Variants in SRGAP2 observed in about 807,000 individuals in gnomAD.
SRGAP2 encodes the protein SLIT-ROBO Rho GTPase-activating protein 2.
A neutral mutation model predicts 57.2 loss-of-function variants in SRGAP2; 15 were observed. That is an observed-to-expected ratio of 0.26 (90% confidence interval 0.18 to 0.40). The LOEUF is 0.40. SRGAP2 is among the 10% of genes least tolerant of loss of function. SRGAP2 has a pLI of 1.00. For missense variants in SRGAP2, 520 were observed against 669.6 expected, an observed-to-expected ratio of 0.78 and a Z score of 2.47; for synonymous variants, 249 against 248.0, an observed-to-expected ratio of 1.00 and a Z score of -0.04.
chr1:206,458,286 G>T (rs1663999507), intron 21 of SRGAP2: 1 of 512,560 alleles, frequency 2.0e-6, no homozygotes, highest in South Asian at 1.6e-5. Flanking sequence ...TTAGGTTTCT[G>T]TTCATGGCAG....
chr1:206,340,782 A>G (rs1675127776), intron 3 of SRGAP2, among the ~76,000 whole-genome samples: 1 of 149,974 alleles, frequency 6.7e-6, no homozygotes, highest in South Asian at 2.2e-4. Context: ...TTTTGAATTT[A>G]GGATTGTTTC....
At chr1:206,290,260 C>G (rs1436520138) in intron 2 of SRGAP2, among the ~76,000 whole-genome samples, 1 of 152,216 alleles carries the variant, frequency 6.6e-6, no homozygotes, top group African/African-American at 2.4e-5. Flanking sequence ...TTTGAAGCCA[C>G]TAGTTTTGTT....
chr1:206,319,128 G>GGTGCC (rs1366272060), intron 3 of SRGAP2, among the ~76,000 whole-genome samples: 1 of 151,406 alleles, frequency 6.6e-6, no homozygotes, highest in African/African-American at 2.4e-5. Flanking sequence ...ATTAAACAGA[G>GGTGCC]GTGCCGGGTG....
Position 206,359,798 on chromosome 1 carries a change from C to CTTTTTTTT in SRGAP2, c.423+16809_423+16816dup, listed in dbSNP as rs1166916482. ...AGGATGGGGTACAAGGGATATTGCT[C>CTTTTTTTT]TTTTTTTTTTTTTTTTTTTTTTTTT... On this transcript the variant is annotated intron_variant, in intron 4 of 22. Coordinates refer to ENST00000573034, the MANE Select transcript of SRGAP2 (RefSeq NM_015326.5). Among the ~76,000 whole-genome samples the CTTTTTTTT allele has an allele frequency of 1.3e-4, 9 of 70,228 alleles. 1 individual carries two copies. Among genetic ancestry groups the CTTTTTTTT allele is most frequent in the South Asian group, 6.0e-4 (1 of 1,656 alleles). The allele number at this position is 70,228 out of a possible 152,430, so 46.1% of individuals were successfully genotyped here.
chr1:206,381,215 T>G (rs1655679659), intron 4 of SRGAP2, among the ~76,000 whole-genome samples: 1 of 152,182 alleles, frequency 6.6e-6, no homozygotes, highest in African/African-American at 2.4e-5. Flanking sequence ...CCTCCCCTTC[T>G]TCCCCCATCC....
intron 2 of SRGAP2, among the ~76,000 whole-genome samples, chr1:206,208,869 T>C (rs1282207396): frequency 9.9e-5 from 15 of 152,144 alleles, no homozygotes; most frequent in African/African-American, 3.1e-4. Context: ...GTTTAAATCT[T>C]GGTTCTGACA....
chr1:206,259,612 C>G (rs1164111138), intron 2 of SRGAP2, among the ~76,000 whole-genome samples: 1 of 148,596 alleles, frequency 6.7e-6, no homozygotes, highest in East Asian at 2.0e-4. Flanking sequence ...ACTGGGATTA[C>G]AGGAGTGAGC....
intron 18 of SRGAP2, 75 bp downstream of exon 18, chr1:206,446,374 A>G: frequency 1.3e-6 from 1 of 756,512 alleles, no homozygotes; most frequent in Non-Finnish European, 2.5e-6. Context: ...TGGCCACACG[A>G]AAACCAAAGG....
At chr1:206,319,183 G>C (rs1276775585) in intron 3 of SRGAP2, among the ~76,000 whole-genome samples, 4 of 148,820 alleles carry the variant, frequency 2.7e-5, no homozygotes, top group Admixed American at 1.3e-4. Context: ...AGGCCGAGGC[G>C]GGCGGATCAC....
intron 2 of SRGAP2, among the ~76,000 whole-genome samples, chr1:206,240,131 T>C (rs1456707794): frequency 2.6e-5 from 4 of 152,022 alleles, no homozygotes; most frequent in Non-Finnish European, 5.9e-5. Flanking sequence ...CTGGGCATGG[T>C]GTTGGGCGCC....
At chr1:206,391,615 G>GCACACA (rs201726708) in intron 5 of SRGAP2, among the ~76,000 whole-genome samples, 1,282 of 115,366 alleles carry the variant, frequency 0.011, 41 homozygotes, top group African/African-American at 0.046. Flanking sequence ...ACACACACAT[G>GCACACA]CACACACACA....
chr1:206,209,104 T>C (rs1416251515), intron 2 of SRGAP2, among the ~76,000 whole-genome samples: 1 of 145,686 alleles, frequency 6.9e-6, no homozygotes, highest in Non-Finnish European at 1.5e-5. Flanking sequence ...CTATTGAGGC[T>C]GCATTGCATA....
intron 2 of SRGAP2, among the ~76,000 whole-genome samples, chr1:206,237,396 C>T (rs1667977241): frequency 6.6e-6 from 1 of 152,118 alleles, no homozygotes; most frequent in African/African-American, 2.4e-5. Flanking sequence ...AGTTGACTTT[C>T]TTTCATAAAT....
At chr1:206,460,284 C>CA (rs1553380005) in intron 22 of SRGAP2, among the ~76,000 whole-genome samples, 3 of 152,184 alleles carry the variant, frequency 2.0e-5, no homozygotes, top group Non-Finnish European at 4.4e-5. Flanking sequence ...GGCTTGCATA[C>CA]AAAGGTTCTT....
chr1:206,443,320 A>G lies in SRGAP2; in HGVS notation c.1875-2755A>G, dbSNP rs1182426109. On this transcript the variant is annotated intron_variant, in intron 17 of 22. Coordinates refer to ENST00000573034, the MANE Select transcript of SRGAP2 (RefSeq NM_015326.5). ...AATTTTAAAGCAGAGAGTTGTTACT[A>G]ATGTTATCCATTTTAGGTATTTCTT... Among the ~76,000 whole-genome samples the G allele has an allele frequency of 2.0e-5, 3 of 152,266 alleles. No homozygotes were observed. In the East Asian group the frequency reaches 5.8e-4, roughly 29 times the overall value.
At chr1:206,228,887 C>T (rs1667445537) in intron 2 of SRGAP2, among the ~76,000 whole-genome samples, 1 of 149,616 alleles carries the variant, frequency 6.7e-6, no homozygotes, top group Non-Finnish European at 1.5e-5. Flanking sequence ...ATTTTCCAAT[C>T]TCTTATCTTG....
chr1:206,307,287 C>T (rs1386733787), intron 3 of SRGAP2, among the ~76,000 whole-genome samples: 3 of 151,724 alleles, frequency 2.0e-5, no homozygotes, highest in East Asian at 2.0e-4. Flanking sequence ...CACTCACAAA[C>T]CTTGAGCTAA....
chr1:206,431,431 T>C (rs1661267932), intron 14 of SRGAP2, among the ~76,000 whole-genome samples: 1 of 152,280 alleles, frequency 6.6e-6, no homozygotes, highest in African/African-American at 2.4e-5. Context: ...TAATTCAGAA[T>C]AGAGTATAAG....
chr1:206,243,767 G>A (rs1668385050), intron 2 of SRGAP2, among the ~76,000 whole-genome samples: 3 of 151,926 alleles, frequency 2.0e-5, no homozygotes, highest in African/African-American at 7.3e-5. Flanking sequence ...CTCTCATTCT[G>A]AGTGGGTTTA....
Sources: gnomAD v4.1 joint callset for allele counts (sites outside exome capture counted in the v4.1 genomes callset) on GRCh38, gnomAD v4.1.1 for gene constraint, MANE v1.5 for transcripts, NCBI Gene and HGNC (gene_info 2026-07-23, HGNC 2026-07-21) for gene names.